TENM2: variants seen among roughly 807,000 people sequenced by gnomAD.
TENM2 encodes the protein teneurin transmembrane protein 2, also known as teneurin-2.
In TENM2, 52 loss-of-function variants were observed where a neutral mutation model predicts 245.2. The observed-to-expected ratio is 0.21, with a 90% CI of 0.17 to 0.27. TENM2 has a LOEUF of 0.27. TENM2 is among the 10% of genes least tolerant of loss of function. TENM2 has a pLI of 1.00. For missense variants in TENM2, 3,046 were observed against 3,666.8 expected, an observed-to-expected ratio of 0.83 and a Z score of 4.37; for synonymous variants, 1,363 against 1,438.9, an observed-to-expected ratio of 0.95 and a Z score of 1.19.
chr5:168,143,735 G>T (rs1755762232), intron 12 of TENM2, among the ~76,000 whole-genome samples: 1 of 151,916 alleles, frequency 6.6e-6, no homozygotes, highest in Admixed American at 6.6e-5. Flanking sequence ...AGTGTAGAAA[G>T]GCTGAAAGGA....
At chr5:168,183,960 G>T (rs564231104) in intron 13 of TENM2, among the ~76,000 whole-genome samples, 2 of 152,026 alleles carry the variant, frequency 1.3e-5, no homozygotes, top group African/African-American at 4.8e-5. Flanking sequence ...CACTCCTTTG[G>T]GTATAATCAT....
chr5:167,451,876 C>A (rs964306149), intron 2 of TENM2, among the ~76,000 whole-genome samples: 1 of 152,098 alleles, frequency 6.6e-6, no homozygotes, highest in African/African-American at 2.4e-5. Context: ...GTCTCAATCT[C>A]CTGACCTTGT....
chr5:166,989,308 G>A, the TENM2 span, among the ~76,000 whole-genome samples: 4 of 132,176 alleles, frequency 3.0e-5, no homozygotes, highest in African/African-American at 1.2e-4. Flanking sequence ...TTGCCAGGCT[G>A]GAGTGCAGTG....
intron 2 of TENM2, among the ~76,000 whole-genome samples, chr5:167,758,467 A>G (rs1160706861): frequency 1.3e-5 from 2 of 152,050 alleles, no homozygotes; most frequent in Non-Finnish European, 2.9e-5. Context: ...CCAGCTTGGA[A>G]GAGAGAGAGG....
intron 4 of TENM2, among the ~76,000 whole-genome samples, chr5:167,963,485 C>T (rs1781162112): frequency 6.6e-6 from 1 of 152,114 alleles, no homozygotes; most frequent in African/African-American, 2.4e-5. Flanking sequence ...CCATTAAAAG[C>T]AAGACATTCT....
At chr5:167,812,261 C>A (rs1467919284) in intron 2 of TENM2, among the ~76,000 whole-genome samples, 1 of 152,028 alleles carries the variant, frequency 6.6e-6, no homozygotes, top group South Asian at 2.1e-4. Flanking sequence ...TGTCTGGAGC[C>A]GAGGGAGAAT....
the TENM2 span, among the ~76,000 whole-genome samples, chr5:166,979,194 C>CAGCAGCAGCAG: frequency 3.3e-3 from 466 of 142,120 alleles, 2 homozygotes; most frequent in African/African-American, 0.011. Context: ...AGCACCACCA[C>CAGCAGCAGCAG]CAGCAGCAGC....
chr5:167,950,692 A>G (rs917395221), intron 3 of TENM2, among the ~76,000 whole-genome samples: 2 of 152,174 alleles, frequency 1.3e-5, no homozygotes, highest in African/African-American at 4.8e-5. Context: ...AAGGATCATT[A>G]TTACATCATT....
chr5:167,012,854 G>A, the TENM2 span, among the ~76,000 whole-genome samples: 19 of 139,478 alleles, frequency 1.4e-4, no homozygotes, highest in Non-Finnish European at 2.9e-4. Flanking sequence ...GTGTTTGTGT[G>A]TGTGTGTATT....
rs537074395 is a variant in TENM2, at chr5:168,097,481, A to G, written c.1712-545A>G. Among the ~76,000 whole-genome samples, 6 of 152,088 alleles carry G rather than the reference A, an allele frequency of 3.9e-5. No individual in the cohort carries two copies. In the South Asian group the frequency reaches 1.2e-3, roughly 32 times the overall value. On this transcript the variant is annotated intron_variant, in intron 8 of 28. Coordinates refer to ENST00000518659, the Ensembl canonical transcript of TENM2. ...GCTCTGTCACCCAGGCTGGAGTGCA[A>G]TGGCGCAATCTCAGCTCACTGCAAC...
exon 4 of TENM2, chr5:167,952,720 T>C (rs1480965154): frequency 3.1e-6 from 5 of 1,605,954 alleles, no homozygotes; most frequent in African/African-American, 1.3e-5. Flanking sequence ...CGGAGTCAGA[T>C]CCACGCCCCG....
intron 2 of TENM2, among the ~76,000 whole-genome samples, chr5:167,406,089 A>G (rs573891593): frequency 6.6e-6 from 1 of 152,298 alleles, no homozygotes; most frequent in South Asian, 2.1e-4. Flanking sequence ...AGTCAAAAAT[A>G]GTGACTAACC....
At chr5:168,129,531 T>A (rs1754380191) in intron 12 of TENM2, 1 of 152,210 alleles carries the variant, frequency 6.6e-6, no homozygotes, top group Non-Finnish European at 1.5e-5. Context: ...TAGGGCTCTG[T>A]GTCTTTATTA....
chr5:168,137,809 G>T (rs560202183), intron 12 of TENM2, among the ~76,000 whole-genome samples: 2 of 152,302 alleles, frequency 1.3e-5, no homozygotes, highest in African/African-American at 4.8e-5. Context: ...CTTGCTATAT[G>T]TTGAATATGA....
the TENM2 span, among the ~76,000 whole-genome samples, chr5:167,170,352 A>G: frequency 6.6e-6 from 1 of 152,216 alleles, no homozygotes; most frequent in East Asian, 1.9e-4. Context: ...AAACTTCTGC[A>G]TAAATACTAG....
At chr5:167,807,238 T>C (rs959302797) in intron 2 of TENM2, among the ~76,000 whole-genome samples, 11 of 150,440 alleles carry the variant, frequency 7.3e-5, no homozygotes, top group Admixed American at 2.0e-4. Context: ...AAAGACTTTT[T>C]TGGGGGGTAA....
At chr5:168,129,867 T>C (rs538374733) in intron 12 of TENM2, 35 of 152,304 alleles carry the variant, frequency 2.3e-4, no homozygotes, top group African/African-American at 7.5e-4. Context: ...TCAAATGCTA[T>C]ATTTTGAAAA....
chr5:167,461,491 A>G (rs933612861), intron 2 of TENM2, among the ~76,000 whole-genome samples: 1 of 152,116 alleles, frequency 6.6e-6, no homozygotes, highest in African/African-American at 2.4e-5. Context: ...TTGATGGAGA[A>G]TGGTCTGACA....
At chr5:167,223,855 T>C in the TENM2 span, among the ~76,000 whole-genome samples, 1 of 152,160 alleles carries the variant, frequency 6.6e-6, no homozygotes, top group East Asian at 1.9e-4. Context: ...CATCTGATAT[T>C]TGTTGTCATT....
Sources: allele counts gnomAD v4.1 joint callset (sites outside exome capture counted in the v4.1 genomes callset), GRCh38; gene constraint gnomAD v4.1.1; transcripts MANE v1.5; gene names NCBI Gene and HGNC (gene_info 2026-07-23, HGNC 2026-07-21).